The following OR1J2 variants were observed in gnomAD, a reference collection of about 807,000 sequenced individuals.
The protein encoded by OR1J2 is olfactory receptor 1J2.
For synonymous variants in OR1J2, 142 were observed against 99.7 expected, an observed-to-expected ratio of 1.42 and a Z score of -2.52; for missense variants, 304 against 246.1, an observed-to-expected ratio of 1.24 and a Z score of -1.57.
rs767716131 is a variant in OR1J2 at position 122,510,860 on chromosome 9, G to A, written c.59G>A (p.Arg20Gln). The stretch of plus-strand genomic sequence containing the variant: ...TTCCTCCTTCTGGGCCTCCCCATCC[G>A]GCCAGAGCAGCAGGCTGTGTTCTTC... ...SEFLLLGLPI[R>Q]PEQQAVFFTL... The change falls in exon 1 of 1, where the codon CGG (arginine) becomes CAG (glutamine). Residue 20 changes from arginine to glutamine, a missense_variant. Coordinates refer to ENST00000335302, the MANE Select transcript of OR1J2 (RefSeq NM_054107.1). 149 of 1,610,148 alleles carry A rather than the reference G, an allele frequency of 9.3e-5. No individual in the cohort carries two copies. Among genetic ancestry groups the A allele is most frequent in the Non-Finnish European group, 1.1e-4 (128 of 1,176,806 alleles).
At chr9:122,533,146 G>A in the OR1J2 span, among the ~76,000 whole-genome samples, 62 of 152,260 alleles carry the variant, frequency 4.1e-4, no homozygotes, top group Admixed American at 1.2e-3. Flanking sequence ...ATAATGGGTT[G>A]TAGAGGGAGG....
At chr9:122,457,419 C>T in the OR1J2 span, among the ~76,000 whole-genome samples, 4 of 152,050 alleles carry the variant, frequency 2.6e-5, no homozygotes, top group Admixed American at 2.0e-4. Flanking sequence ...GAAACTACTA[C>T]TACCGACAAT....
the OR1J2 span, among the ~76,000 whole-genome samples, chr9:122,570,930 A>G: frequency 6.6e-6 from 1 of 152,218 alleles, no homozygotes; most frequent in East Asian, 1.9e-4. Context: ...TTTTACATAC[A>G]GGAGGCTTAG....
At chr9:122,484,054 A>C in the OR1J2 span, among the ~76,000 whole-genome samples, 2,206 of 152,204 alleles carry the variant, frequency 0.014, 39 homozygotes, top group African/African-American at 0.05. Context: ...AGTAATCAAT[A>C]TTAGGAGCCC....
the OR1J2 span, among the ~76,000 whole-genome samples, chr9:122,500,824 T>C: frequency 1.3e-5 from 2 of 152,174 alleles, no homozygotes; most frequent in African/African-American, 4.8e-5. Context: ...TTCTACAGTT[T>C]TGCTCAATAC....
the OR1J2 span, chr9:122,477,920 G>T: frequency 6.3e-7 from 1 of 1,591,676 alleles, no homozygotes; most frequent in Non-Finnish European, 8.6e-7. Context: ...TGGTTCTCAG[G>T]GCTCATGTTT....
chr9:122,469,224 C>A, the OR1J2 span, among the ~76,000 whole-genome samples: 1 of 152,192 alleles, frequency 6.6e-6, no homozygotes, highest in African/African-American at 2.4e-5. Flanking sequence ...CCACCCAAAT[C>A]TCATCTTGAA....
the OR1J2 span, among the ~76,000 whole-genome samples, chr9:122,577,731 T>G: frequency 6.6e-6 from 1 of 152,194 alleles, no homozygotes; most frequent in Non-Finnish European, 1.5e-5. Flanking sequence ...CAGTATTTAT[T>G]TAAATATTTT....
the OR1J2 span, among the ~76,000 whole-genome samples, chr9:122,500,886 A>T: frequency 6.6e-6 from 1 of 152,196 alleles, no homozygotes; most frequent in Non-Finnish European, 1.5e-5. Flanking sequence ...ATTTTAAGAG[A>T]TAAGAATTAG....
At chr9:122,489,988 C>T in the OR1J2 span, among the ~76,000 whole-genome samples, 1 of 152,202 alleles carries the variant, frequency 6.6e-6, no homozygotes, top group Non-Finnish European at 1.5e-5. Context: ...GCACAAACCC[C>T]TCCTTGGGCT....
chr9:122,565,284 G>T, the OR1J2 span, among the ~76,000 whole-genome samples: 1 of 152,196 alleles, frequency 6.6e-6, no homozygotes, highest in African/African-American at 2.4e-5. Context: ...AATGGGCAAA[G>T]ATATGAAGAT....
chr9:122,513,703 C>A (rs1357948028), downstream of OR1J2, among the ~76,000 whole-genome samples: 1 of 152,056 alleles, frequency 6.6e-6, no homozygotes, highest in East Asian at 1.9e-4. Flanking sequence ...GCTCCCCACC[C>A]CCCGACAGGC....
At chr9:122,498,075 T>C in the OR1J2 span, among the ~76,000 whole-genome samples, 1 of 149,938 alleles carries the variant, frequency 6.7e-6, no homozygotes, top group African/African-American at 2.5e-5. Context: ...TTTTTTTTTA[T>C]TATTGAGATG....
the OR1J2 span, among the ~76,000 whole-genome samples, chr9:122,493,714 G>A: frequency 4.0e-5 from 6 of 151,838 alleles, no homozygotes; most frequent in Non-Finnish European, 5.9e-5. Flanking sequence ...TTTGGTCTTC[G>A]TTATTTCTTT....
chr9:122,535,841 G>A, the OR1J2 span, among the ~76,000 whole-genome samples: 1 of 152,172 alleles, frequency 6.6e-6, no homozygotes, highest in Non-Finnish European at 1.5e-5. Flanking sequence ...AGTCGGAAAA[G>A]GGAGTCAGCA....
At chr9:122,570,353 C>T in the OR1J2 span, among the ~76,000 whole-genome samples, 1 of 152,202 alleles carries the variant, frequency 6.6e-6, no homozygotes, top group Admixed American at 6.5e-5. Flanking sequence ...GAAACAACTT[C>T]TTTACAGCAG....
the OR1J2 span, chr9:122,526,675 C>T: frequency 5.0e-5 from 80 of 1,614,002 alleles, no homozygotes; most frequent in Middle Eastern, 1.6e-4. Context: ...AAAAAGGGGA[C>T]GATGAGTACG....
the OR1J2 span, among the ~76,000 whole-genome samples, chr9:122,463,061 A>G: frequency 6.6e-6 from 1 of 151,928 alleles, no homozygotes; most frequent in African/African-American, 2.4e-5. Context: ...AACACCAATT[A>G]TTCTTAGCTT....
At chr9:122,477,702 A>G in the OR1J2 span, 8 of 1,614,212 alleles carry the variant, frequency 5.0e-6, no homozygotes, top group Non-Finnish European at 6.8e-6. Flanking sequence ...GGACAGTGAC[A>G]GATGAAAAGG....
Sources: gnomAD v4.1 joint callset for allele counts (sites outside exome capture counted in the v4.1 genomes callset) on GRCh38, gnomAD v4.1.1 for gene constraint, MANE v1.5 for transcripts, NCBI Gene and HGNC (gene_info 2026-07-23, HGNC 2026-07-21) for gene names.